DHX34: variants seen among roughly 807,000 people sequenced by gnomAD.
DHX34 encodes the protein probable ATP-dependent RNA helicase DHX34.
Under a neutral mutation model 111.1 loss-of-function variants are expected in DHX34, and 96 were observed. The observed-to-expected ratio is 0.86, with a 90% CI of 0.73 to 1.02. The LOEUF (loss-of-function observed/expected upper bound fraction) is 1.02, where lower values mean the gene tolerates loss of function less well. Among genes scored for constraint, DHX34 ranks in the 50% least tolerant of loss-of-function variants. The pLI is 0.00. For missense variants in DHX34, 1,560 were observed against 1,579.9 expected, an observed-to-expected ratio of 0.99 and a Z score of 0.21; for synonymous variants, 688 against 670.4, an observed-to-expected ratio of 1.03 and a Z score of -0.41.
chr19:47,361,629 A>C (rs1969633793), intron 5 of DHX34, among the ~76,000 whole-genome samples: 1 of 151,884 alleles, frequency 6.6e-6, no homozygotes. Flanking sequence ...AAATACAAAA[A>C]TGACCCGGGC....
rs745583331 is a variant in DHX34 at position 47,382,206 on chromosome 19, G to A, written c.*93G>A. On this transcript the variant is annotated 3_prime_UTR_variant, in exon 17 of 17. Coordinates refer to ENST00000328771, the MANE Select transcript of DHX34 (RefSeq NM_014681.6). The stretch of plus-strand genomic sequence containing the variant: ...ACTCTTGCCTGAACCCCCAGCCTGG[G>A]CTTAGCCCTGTGGTCCTGTCCCAGT... The A allele has an allele frequency of 2.6e-6, 4 of 1,540,604 alleles. No individual in the cohort carries two copies. In the South Asian group the frequency reaches 4.9e-5, roughly 19 times the overall value.
intron 6 of DHX34, among the ~76,000 whole-genome samples, chr19:47,363,674 C>T (rs947303482): frequency 4.6e-5 from 7 of 151,790 alleles, no homozygotes; most frequent in East Asian, 1.9e-4. Context: ...AAAAATTAGC[C>T]GGGTGTGGTG....
chr19:47,362,759 TTTTTATTTTATTTTA>T, intron 6 of DHX34, 66 bp downstream of exon 6: 2 of 1,373,180 alleles, frequency 1.5e-6, no homozygotes, highest in African/African-American at 1.5e-5. Flanking sequence ...TGGGAGGCCT[TTTTTATTTTATTTTA>T]TTTTATTTTA....
intron 1 of DHX34, among the ~76,000 whole-genome samples, chr19:47,352,387 A>G (rs1189805389): frequency 6.6e-6 from 1 of 152,212 alleles, no homozygotes; most frequent in African/African-American, 2.4e-5. Flanking sequence ...AAATGTTTCT[A>G]AAAATGGGCT....
chr19:47,350,208 A>AAAGTGCTGGGAT (rs1969242275), intron 1 of DHX34, among the ~76,000 whole-genome samples: 1 of 152,076 alleles, frequency 6.6e-6, no homozygotes, highest in Non-Finnish European at 1.5e-5. Context: ...TGGAGAGTGA[A>AAAGTGCTGGGAT]TACTGGAAGG....
In DHX34 at chr19:47,381,293, C is replaced by T. The variant is rs1243339940; in HGVS notation, c.3267C>T (p.Thr1089=). Residue 1089 remains threonine, a synonymous_variant, in exon 16 of 17, where the codon ACC becomes ACT. Transcript: ENST00000328771. ...TPLERIAHEN[T]CPQAPQDGPP... ...TGGAGCGCATCGCCCATGAGAACAC[C>T]TGCCCCCAGGCCCCACAGGATGGGC... 6.2e-7 allele frequency: 1 copy of T among 1,613,914 alleles called. No individual in the cohort carries two copies. The highest frequency in any genetic ancestry group is 8.5e-7 in the Non-Finnish European group (1 of 1,179,924).
intron 5 of DHX34, among the ~76,000 whole-genome samples, chr19:47,362,159 C>G (rs553462961): frequency 8.8e-5 from 13 of 147,192 alleles, no homozygotes; most frequent in South Asian, 2.2e-4. Flanking sequence ...CCCAGCTACT[C>G]GGGAGGCTGA....
At chr19:47,374,863 C>T (rs2122335352) in intron 9 of DHX34, among the ~76,000 whole-genome samples, 1 of 152,324 alleles carries the variant, frequency 6.6e-6, no homozygotes, top group Admixed American at 6.5e-5. Context: ...CACGCACAAT[C>T]TCCTGTGTCC....
At chr19:47,375,899 C>T (rs1279922875) in intron 10 of DHX34, 25 bp from the exon 11 acceptor site, 11 of 1,587,164 alleles carry the variant, frequency 6.9e-6, no homozygotes, top group African/African-American at 1.4e-5. Context: ...TCCCCTAAGA[C>T]TCTGCCTCCC....
chr19:47,381,202 A>G lies in DHX34; in HGVS notation c.3176A>G (p.Tyr1059Cys). The change falls in exon 16 of 17, where the codon TAC (tyrosine) becomes TGC (cysteine). Residue 1059 changes from tyrosine (Y) to cysteine (C), a missense_variant. Transcript: ENST00000328771. ...YNCLTNDTDL[Y>C]SDCLRTFWTC... ...CTGCCACAGAATGACACAGACCTGT[A>G]CAGCGACTGTCTCCGAACCTTCTGG... is the stretch of plus-strand genomic sequence containing the variant. 1 of 1,614,026 alleles carries G rather than the reference A, an allele frequency of 6.2e-7. No homozygotes were observed. The highest frequency in any genetic ancestry group is 8.5e-7 in the Non-Finnish European group (1 of 1,179,918).
In DHX34 at chr19:47,359,957, C is replaced by T. The variant is rs1453867655; in HGVS notation, c.1273-11C>T. ...GTTAGTTCCTGACACCACCCCCTCC[C>T]TTCCTCCCAGGTATTTGATGTGGCA... On this transcript the variant is annotated splice_polypyrimidine_tract_variant and intron_variant, in intron 4 of 16. Coordinates refer to ENST00000328771, the MANE Select transcript of DHX34 (RefSeq NM_014681.6). 6.2e-7 allele frequency: 1 copy of T among 1,614,024 alleles called. No homozygotes were observed. Among genetic ancestry groups the T allele is most frequent in the Non-Finnish European group, 8.5e-7 (1 of 1,179,942 alleles).
chr19:47,381,345 ACCCGGCCACCTCTG>A (rs1255760161), intron 16 of DHX34, 21 bp downstream of exon 16: 1 of 1,603,242 alleles, frequency 6.2e-7, no homozygotes, highest in East Asian at 2.2e-5. Context: ...GACTGTGGGG[ACCCGGCCACCTCTG>A]CCCAGCCGTC....
chr19:47,377,730 A>G (rs189628692), intron 13 of DHX34, among the ~76,000 whole-genome samples: 140 of 146,446 alleles, frequency 9.6e-4, no homozygotes, highest in African/African-American at 3.7e-3. Flanking sequence ...GAGGCCAGAG[A>G]GGCGAGGGAG....
chr19:47,352,280 A>G (rs1275375135), intron 1 of DHX34, among the ~76,000 whole-genome samples: 2 of 152,210 alleles, frequency 1.3e-5, no homozygotes, highest in African/African-American at 2.4e-5. Flanking sequence ...TGTGTGTCAC[A>G]TGAGAGATCA....
rs199965702 is a variant in DHX34 at position 47,353,337 on chromosome 19, C to T, written c.307C>T (p.Arg103Cys). ...LADLPRTYDPRYRINLSVLGP... is the reference protein window; with the variant it reads ...LADLPRTYDPCYRINLSVLGP... ...CGACCTACCTCGCACTTACGACCCA[C>T]GTTACCGCATCAACCTCTCTGTTCT... Residue 103 changes from arginine (R) to cysteine (C), a missense_variant, in exon 2 of 17, where the codon CGT (arginine) becomes TGT (cysteine). Physicochemically the swap from Arg to Cys is radical, Grantham distance 180. Coordinates refer to ENST00000328771, the MANE Select transcript of DHX34 (RefSeq NM_014681.6). The surrounding 1 kb of genome is among the most constrained non-coding windows in gnomAD (Gnocchi z 4.6). 3.5e-5 allele frequency: 56 copies of T among 1,614,172 alleles called. No individual in the cohort carries two copies. Among genetic ancestry groups the T allele is most frequent in the African/African-American group, 2.9e-4 (22 of 75,056 alleles).
chr19:47,381,045 C>T (rs1970339840), intron 15 of DHX34, 53 bp downstream of exon 15: 5 of 1,541,752 alleles, frequency 3.2e-6, no homozygotes, highest in Non-Finnish European at 4.4e-6. Flanking sequence ...GACCCCACCA[C>T]CCCGTTTCAC....
rs977819314 is a variant in DHX34, at chr19:47,377,220, C to A, written c.2706+14C>A. The A allele has an allele frequency of 6.2e-7, 1 of 1,606,120 alleles. No homozygotes were observed. Among genetic ancestry groups the A allele is most frequent in the Admixed American group, 1.7e-5 (1 of 58,984 alleles). ...CCTGCCCTCCAGGTGGGCCTCTGCC[C>A]CACCCCGCCCCCATGCCCAGATATG... is the stretch of plus-strand genomic sequence containing the variant. On this transcript the variant is annotated intron_variant, in intron 13 of 16. Transcript: ENST00000328771.
chr19:47,353,421 G>C lies in DHX34; in HGVS notation c.391G>C (p.Ala131Pro), dbSNP rs778344207. The change falls in exon 2 of 17, where the codon GCT becomes CCT. Residue 131 changes from alanine to proline, a missense_variant. Coordinates refer to ENST00000328771, the MANE Select transcript of DHX34 (RefSeq NM_014681.6). The surrounding 1 kb of genome is among the most constrained non-coding windows in gnomAD (Gnocchi z 4.6). ...LGRHLPAERV[A>P]EFRRALLHYL... ...CAGGCACTTGCCCGCGGAGAGAGTG[G>C]CTGAGTTCCGCCGAGCCCTGTTGCA... The C allele has an allele frequency of 6.2e-7, 1 of 1,614,056 alleles. No homozygotes were observed. The highest frequency in any genetic ancestry group is 1.3e-5 in the African/African-American group (1 of 74,942).
At chr19:47,371,249 TGGGGG>T (rs1969957109) in intron 7 of DHX34, among the ~76,000 whole-genome samples, 1 of 152,200 alleles carries the variant, frequency 6.6e-6, no homozygotes, top group Non-Finnish European at 1.5e-5. Context: ...CCCTGAGGGC[TGGGGG>T]CAGGTGCCCC....
Sources: gnomAD v4.1 joint callset for allele counts (sites outside exome capture counted in the v4.1 genomes callset) on GRCh38, gnomAD v4.1.1 for gene constraint, Gnocchi (gnomAD v3.1) non-coding constraint, MANE v1.5 for transcripts, NCBI Gene and HGNC (gene_info 2026-07-23, HGNC 2026-07-21) for gene names.